The following PDE1C variants were observed in gnomAD, a reference collection of about 807,000 sequenced individuals.
PDE1C encodes the protein phosphodiesterase 1C.
Under a neutral mutation model 93.1 loss-of-function variants are expected in PDE1C, and 62 were observed. The observed-to-expected ratio is 0.67, with a 90% confidence interval of 0.54 to 0.82. The LOEUF is 0.82. PDE1C is among the 40% of genes least tolerant of loss of function. The pLI, the probability that PDE1C is intolerant of heterozygous loss-of-function variation, is 0.00. For missense variants in PDE1C, 742 were observed against 884.6 expected, an observed-to-expected ratio of 0.84 and a Z score of 2.04; for synonymous variants, 325 against 310.1, an observed-to-expected ratio of 1.05 and a Z score of -0.50.
intron 3 of PDE1C, among the ~76,000 whole-genome samples, chr7:32,119,043 A>G (rs551150396): frequency 2.7e-4 from 41 of 152,278 alleles, no homozygotes; most frequent in African/African-American, 9.6e-4. Context: ...TGGGAAGCTC[A>G]AAGGAACCAG....
intron 14 of PDE1C, among the ~76,000 whole-genome samples, chr7:31,817,284 A>G (rs1375694443): frequency 6.6e-6 from 1 of 152,162 alleles, no homozygotes; most frequent in Non-Finnish European, 1.5e-5. Context: ...AATAATCTGG[A>G]CAAATAGTAT....
At chr7:32,173,250 C>G (rs1341903220) in intron 2 of PDE1C, among the ~76,000 whole-genome samples, 1 of 152,096 alleles carries the variant, frequency 6.6e-6, no homozygotes, top group Non-Finnish European at 1.5e-5. Context: ...CCTCAGCAAA[C>G]TAACCCAGGA....
chr7:31,764,991 G>T (rs998042353), intron 17 of PDE1C, among the ~76,000 whole-genome samples: 6 of 152,098 alleles, frequency 3.9e-5, no homozygotes, highest in Non-Finnish European at 7.4e-5. Context: ...TTTAGATTTT[G>T]CTGCCCATGT....
At chr7:32,093,468 C>G (rs1156857076) in intron 3 of PDE1C, among the ~76,000 whole-genome samples, 1 of 152,246 alleles carries the variant, frequency 6.6e-6, no homozygotes, top group African/African-American at 2.4e-5. Context: ...CCCAAGGACT[C>G]TGGCCCAGTA....
the PDE1C span, among the ~76,000 whole-genome samples, chr7:31,626,877 C>A: frequency 6.6e-6 from 1 of 152,188 alleles, no homozygotes; most frequent in Non-Finnish European, 1.5e-5. Context: ...AAGCACCCAA[C>A]AGAAAAATGT....
chr7:32,126,704 T>C (rs1799599783), intron 3 of PDE1C, among the ~76,000 whole-genome samples: 1 of 151,998 alleles, frequency 6.6e-6, no homozygotes, highest in African/African-American at 2.4e-5. Flanking sequence ...CTCTATGAAA[T>C]AGAAGAGTGA....
intron 1 of PDE1C, among the ~76,000 whole-genome samples, chr7:32,395,278 G>T (rs139545916): frequency 6.6e-6 from 1 of 152,166 alleles, no homozygotes; most frequent in African/African-American, 2.4e-5. Context: ...GTCAAAACAG[G>T]TACAGGGGGA....
At chr7:32,207,873 C>T (rs1347846799) in intron 2 of PDE1C, among the ~76,000 whole-genome samples, 3 of 152,210 alleles carry the variant, frequency 2.0e-5, no homozygotes, top group Non-Finnish European at 4.4e-5. Flanking sequence ...TTGTAGTGAG[C>T]CTCTGGGACT....
chr7:32,108,542 C>A (rs1023772970), intron 3 of PDE1C, among the ~76,000 whole-genome samples: 1 of 151,994 alleles, frequency 6.6e-6, no homozygotes, highest in Non-Finnish European at 1.5e-5. Context: ...GGCCATAATT[C>A]CAGAAGAAAA....
chr7:31,661,484 G>A, the PDE1C span, among the ~76,000 whole-genome samples: 1 of 152,122 alleles, frequency 6.6e-6, no homozygotes, highest in South Asian at 2.1e-4. Context: ...AGCCCCAGGT[G>A]GGTGGATCAC....
intron 3 of PDE1C, among the ~76,000 whole-genome samples, chr7:32,108,230 C>CAAAAAAAAAAAAAAAAAAAA (rs71559210): frequency 1.3e-5 from 1 of 77,062 alleles, no homozygotes; most frequent in Non-Finnish European, 2.5e-5. Flanking sequence ...AAAAGCAAGA[C>CAAAAAAAAAAAAAAAAAAAA]AAAAAAAAAA....
chr7:32,241,346 T>C (rs180780344), intron 1 of PDE1C, among the ~76,000 whole-genome samples: 3 of 152,286 alleles, frequency 2.0e-5, no homozygotes. Context: ...AACCAAGAGT[T>C]GTACCTCATA....
chr7:31,643,043 C>T, the PDE1C span: 1 of 1,614,024 alleles, frequency 6.2e-7, no homozygotes, highest in Non-Finnish European at 8.5e-7. Flanking sequence ...AGACCCACAG[C>T]CACTTCCAAA....
chr7:32,035,335 C>T (rs1258219162), intron 2 of PDE1C, among the ~76,000 whole-genome samples: 3 of 152,194 alleles, frequency 2.0e-5, no homozygotes, highest in African/African-American at 4.8e-5. Context: ...AACTCTCTCA[C>T]TCTGAACCCC....
At chr7:31,882,328 A>T (rs1562965706) in intron 2 of PDE1C, among the ~76,000 whole-genome samples, 1 of 152,194 alleles carries the variant, frequency 6.6e-6, no homozygotes, top group Non-Finnish European at 1.5e-5. Context: ...TGAATTTCAG[A>T]GGCAGCACGA....
chr7:31,694,841 G>A, the PDE1C span, among the ~76,000 whole-genome samples: 1 of 152,162 alleles, frequency 6.6e-6, no homozygotes, highest in East Asian at 1.9e-4. Context: ...AGCTCTGGTG[G>A]GGTAATGCAG....
At chr7:31,814,101 C>T (rs1174070219) in intron 15 of PDE1C, among the ~76,000 whole-genome samples, 4 of 151,046 alleles carry the variant, frequency 2.6e-5, no homozygotes, top group African/African-American at 9.8e-5. Context: ...CACACACACA[C>T]ATATATCACA....
At chr7:31,792,732 A>T (rs1784726216) in intron 16 of PDE1C, among the ~76,000 whole-genome samples, 1 of 152,058 alleles carries the variant, frequency 6.6e-6, no homozygotes, top group Non-Finnish European at 1.5e-5. Context: ...ATAAACTGAA[A>T]TTCAGTAAGC....
intron 3 of PDE1C, among the ~76,000 whole-genome samples, chr7:32,147,274 A>AAG (rs747429201): frequency 1.5e-5 from 1 of 64,990 alleles, no homozygotes; most frequent in Non-Finnish European, 3.2e-5. Context: ...GAAAGAAAAA[A>AAG]AGAAAGAAAG....
Sources: gnomAD v4.1 joint callset for allele counts (sites outside exome capture counted in the v4.1 genomes callset) on GRCh38, gnomAD v4.1.1 for gene constraint, MANE v1.5 for transcripts, NCBI Gene and HGNC (gene_info 2026-07-23, HGNC 2026-07-21) for gene names.